LHX8: variants seen among roughly 807,000 people sequenced by gnomAD.
LHX8 encodes LIM/homeobox protein Lhx8.
Under a neutral mutation model 40.3 loss-of-function variants are expected in LHX8, and 12 were observed. The observed-to-expected ratio is 0.30, with a 90% confidence interval of 0.19 to 0.48. The LOEUF (loss-of-function observed/expected upper bound fraction) is 0.48. Ranked by LOEUF, LHX8 falls within the 20% of genes least tolerant of loss-of-function variation. The probability of loss-of-function intolerance (pLI) is 0.99; values close to 1 mark genes in which losing one functional copy is unlikely to be tolerated. For synonymous variants in LHX8, 179 were observed against 162.0 expected, an observed-to-expected ratio of 1.10 and a Z score of -0.80; for missense variants, 344 against 433.7, an observed-to-expected ratio of 0.79 and a Z score of 1.84.
At chr1:75,182,180 G>A in the LHX8 span, among the ~76,000 whole-genome samples, 6 of 152,206 alleles carry the variant, frequency 3.9e-5, no homozygotes, top group South Asian at 6.2e-4. Context: ...TTTGTGTAAC[G>A]TGAGAGATGA....
chr1:75,132,149 C>A (rs540357451), upstream of LHX8, among the ~76,000 whole-genome samples: 1 of 152,232 alleles, frequency 6.6e-6, no homozygotes, highest in South Asian at 2.1e-4. Flanking sequence ...GGGTAAGAGG[C>A]GTGACGCGAG....
the LHX8 span, among the ~76,000 whole-genome samples, chr1:75,193,698 A>G: frequency 6.6e-6 from 1 of 152,316 alleles, no homozygotes; most frequent in Non-Finnish European, 1.5e-5. Flanking sequence ...AACTTCCAGA[A>G]TCCCTAGCCT....
chr1:75,193,545 A>G, the LHX8 span, among the ~76,000 whole-genome samples: 4 of 152,190 alleles, frequency 2.6e-5, no homozygotes, highest in Non-Finnish European at 2.9e-5. Context: ...AGAGCCCCAG[A>G]ATCCAGAAGG....
chr1:75,197,564 T>C, the LHX8 span, among the ~76,000 whole-genome samples: 1 of 152,314 alleles, frequency 6.6e-6, no homozygotes, highest in African/African-American at 2.4e-5. Flanking sequence ...TCTAGCCACT[T>C]CTTTTTTCTC....
At chr1:75,130,503 G>A, upstream of LHX8, 1 of 614,642 alleles carries the variant, frequency 1.6e-6, no homozygotes, top group Non-Finnish European at 2.9e-6. Flanking sequence ...CAGCTGGGAA[G>A]CCCATCAAAC....
At chr1:75,176,851 T>C in the LHX8 span, among the ~76,000 whole-genome samples, 1 of 152,218 alleles carries the variant, frequency 6.6e-6, no homozygotes, top group East Asian at 1.9e-4. Context: ...AATTTTTGTA[T>C]AAGGTGTAAG....
In LHX8 at chr1:75,161,335, T is replaced by C. The variant is rs1374957531; in HGVS notation, c.*440T>C. The C allele has an allele frequency of 5.8e-6, 1 of 172,162 alleles. No homozygotes were observed. The highest frequency in any genetic ancestry group is 2.4e-5 in the African/African-American group (1 of 41,574). The allele number at this position is 172,162 out of a possible 1,614,324, so 10.7% of individuals were successfully genotyped here. A position where few individuals can be genotyped will look rare whatever the true frequency, so the allele number is the denominator to read the frequency against. ...TATATACAACTTTATACTTTGAAGC[T>C]TGTATCTGTGAATTTGCAACTGAAA... On this transcript the variant is annotated 3_prime_UTR_variant, in exon 9 of 9. Coordinates refer to ENST00000356261, the MANE Select transcript of LHX8 (RefSeq NM_001256114.2).
chr1:75,150,340 C>A (rs1000908435), intron 7 of LHX8, among the ~76,000 whole-genome samples: 1 of 152,116 alleles, frequency 6.6e-6, no homozygotes, highest in Non-Finnish European at 1.5e-5. Context: ...GAAGTTGGAC[C>A]CTTTTAGCTG....
rs1648782377 is a variant in LHX8, at chr1:75,156,917, C to T, written c.805C>T (p.Arg269Cys). Residue 269 changes from arginine (R) to cysteine (C), a missense_variant, in exon 8 of 9, where the codon CGC (arginine) becomes TGC (cysteine). Physicochemically the swap from Arg to Cys is radical, Grantham distance 180. Coordinates refer to ENST00000356261, the MANE Select transcript of LHX8 (RefSeq NM_001256114.2). Reference protein sequence around the residue: ...IQVWFQNCRARHKKHVSPNHS... With the variant: ...IQVWFQNCRACHKKHVSPNHS... ...GGTGTGGTTTCAGAATTGTAGAGCA[C>T]GCCACAAGAAACACGTCAGTCCTAA... 4 of 1,614,020 alleles carry T rather than the reference C, an allele frequency of 2.5e-6. No homozygotes were observed. The highest frequency in any genetic ancestry group is 1.3e-5 in the African/African-American group (1 of 74,900).
At position 75,136,405 on chromosome 1, in the gene LHX8, G is replaced by C. The variant is rs570267395; in HGVS notation, c.-12-198G>C. Among the ~76,000 whole-genome samples the C allele has an allele frequency of 3.2e-3, 483 of 151,806 alleles. 4 individuals carry two copies. Among genetic ancestry groups the C allele is most frequent in the African/African-American group, 0.011 (466 of 41,488 alleles). Reference sequence around the variant, plus strand: ...GACGAGCTACCAGCGCTCGGGTGGCGGCCGCCAGCGGCCAGCGAAGGAGGC... The same window carrying C: ...GACGAGCTACCAGCGCTCGGGTGGCCGCCGCCAGCGGCCAGCGAAGGAGGC... On this transcript the variant is annotated intron_variant, in intron 1 of 8. Transcript: ENST00000356261.
chr1:75,164,973 G>A (rs942063266), downstream of LHX8, among the ~76,000 whole-genome samples: 6 of 152,170 alleles, frequency 3.9e-5, no homozygotes, highest in South Asian at 2.1e-4. Flanking sequence ...ACGTCCAGCC[G>A]AAAACTAGTA....
chr1:75,191,755 A>G, the LHX8 span, among the ~76,000 whole-genome samples: 2 of 152,244 alleles, frequency 1.3e-5, no homozygotes, highest in Admixed American at 6.5e-5. Flanking sequence ...ACTAAAGAAT[A>G]TTAAAAAGGA....
At chr1:75,144,838 T>C (rs978676219) in intron 6 of LHX8, among the ~76,000 whole-genome samples, 2 of 152,136 alleles carry the variant, frequency 1.3e-5, no homozygotes, top group Admixed American at 6.6e-5. Flanking sequence ...ATTTATGCAG[T>C]GTTAACAAAT....
intron 7 of LHX8, among the ~76,000 whole-genome samples, chr1:75,149,722 A>G (rs1648556911): frequency 6.6e-6 from 1 of 152,008 alleles, no homozygotes; most frequent in African/African-American, 2.4e-5. Context: ...TAATTTTTAA[A>G]TTTTTGTAGA....
chr1:75,147,832 C>T (rs564220302), intron 6 of LHX8, among the ~76,000 whole-genome samples: 2 of 152,164 alleles, frequency 1.3e-5, no homozygotes, highest in Non-Finnish European at 2.9e-5. Context: ...TACTCTCTCC[C>T]ACACTACTCT....
chr1:75,176,176 G>A, the LHX8 span, among the ~76,000 whole-genome samples: 1 of 152,036 alleles, frequency 6.6e-6, no homozygotes, highest in Non-Finnish European at 1.5e-5. Flanking sequence ...TAATCCTTTG[G>A]GTATATACCC....
At chr1:75,190,620 CA>C in the LHX8 span, among the ~76,000 whole-genome samples, 1 of 152,010 alleles carries the variant, frequency 6.6e-6, no homozygotes, top group Non-Finnish European at 1.5e-5. Flanking sequence ...CAAAACAAAC[CA>C]TGAAAACATC....
At chr1:75,195,488 C>A in the LHX8 span, among the ~76,000 whole-genome samples, 2 of 152,236 alleles carry the variant, frequency 1.3e-5, no homozygotes, top group Non-Finnish European at 2.9e-5. Context: ...TCTATTCCCA[C>A]CTCTGAGTCT....
At chr1:75,152,208 A>C (rs1648630710) in intron 7 of LHX8, among the ~76,000 whole-genome samples, 1 of 152,232 alleles carries the variant, frequency 6.6e-6, no homozygotes, top group Non-Finnish European at 1.5e-5. Context: ...TTCTTCTAAT[A>C]TGCAAACTAG....
Sources: allele counts gnomAD v4.1 joint callset (sites outside exome capture counted in the v4.1 genomes callset), GRCh38; gene constraint gnomAD v4.1.1; transcripts MANE v1.5; gene names NCBI Gene and HGNC (gene_info 2026-07-23, HGNC 2026-07-21).